Variants in SLC4A10 observed in about 807,000 individuals in gnomAD.
SLC4A10 encodes solute carrier family 4 member 10.
In SLC4A10, 42 loss-of-function variants were observed where a neutral mutation model predicts 137.7. That is an observed-to-expected ratio of 0.30 (90% CI 0.24 to 0.39). The LOEUF (loss-of-function observed/expected upper bound fraction) is 0.39. Ranked by LOEUF, SLC4A10 falls within the 10% of genes least tolerant of loss-of-function variation. The probability of loss-of-function intolerance (pLI) is 1.00; values close to 1 mark genes in which losing one functional copy is unlikely to be tolerated. For synonymous variants in SLC4A10, 474 were observed against 464.1 expected (o/e 1.02, Z -0.27); for missense variants, 925 against 1,355.0 (o/e 0.68, Z 4.98).
At chr2:161,956,278 G>A (rs1378195651) in intron 19 of SLC4A10, among the ~76,000 whole-genome samples, 1 of 152,164 alleles carries the variant, frequency 6.6e-6, no homozygotes, top group Non-Finnish European at 1.5e-5. Flanking sequence ...AGAGGCACAA[G>A]AGCTTAAGTG....
At chr2:161,647,759 A>C (rs1355572692) in intron 1 of SLC4A10, among the ~76,000 whole-genome samples, 1 of 152,180 alleles carries the variant, frequency 6.6e-6, no homozygotes, top group Non-Finnish European at 1.5e-5. Flanking sequence ...TTTCCTTAAC[A>C]CTTAAACATA....
At chr2:161,738,111 CA>C (rs2047530111) in intron 1 of SLC4A10, among the ~76,000 whole-genome samples, 1 of 152,040 alleles carries the variant, frequency 6.6e-6, no homozygotes, top group Admixed American at 6.6e-5. Context: ...ATGGACAGCC[CA>C]AAACACAAAT....
At chr2:161,771,918 A>G (rs2051664899) in intron 2 of SLC4A10, among the ~76,000 whole-genome samples, 1 of 151,816 alleles carries the variant, frequency 6.6e-6, no homozygotes, top group Non-Finnish European at 1.5e-5. Context: ...CCAATAAACC[A>G]CTGAGTTGAG....
intron 3 of SLC4A10, among the ~76,000 whole-genome samples, chr2:161,832,098 A>G (rs146039536): frequency 1.3e-5 from 2 of 152,282 alleles, no homozygotes; most frequent in East Asian, 3.9e-4. Context: ...AGTGAGGATT[A>G]TTGTCCATTA....
At chr2:161,828,204 C>T (rs1470491279) in intron 3 of SLC4A10, among the ~76,000 whole-genome samples, 1 of 152,168 alleles carries the variant, frequency 6.6e-6, no homozygotes, top group Non-Finnish European at 1.5e-5. Context: ...TGGACTTGTG[C>T]TCATTACATG....
chr2:161,909,106 T>A (rs928498906), intron 15 of SLC4A10, among the ~76,000 whole-genome samples: 18 of 134,540 alleles, frequency 1.3e-4, no homozygotes, highest in Non-Finnish European at 2.2e-4. Context: ...GGGGGAGGGA[T>A]AGCATTAGGA....
intron 2 of SLC4A10, among the ~76,000 whole-genome samples, chr2:161,798,529 T>C (rs572157604): frequency 5.3e-5 from 8 of 151,992 alleles, no homozygotes; most frequent in Non-Finnish European, 1.2e-4. Context: ...CTGATCCTTA[T>C]TATATAATTA....
intron 1 of SLC4A10, among the ~76,000 whole-genome samples, chr2:161,632,798 C>T (rs1558905316): frequency 6.6e-6 from 1 of 151,422 alleles, no homozygotes; most frequent in East Asian, 1.9e-4. Flanking sequence ...TACATTAAAG[C>T]TTGAGAATTT....
chr2:161,713,281 A>G (rs1389823445), intron 1 of SLC4A10, among the ~76,000 whole-genome samples: 1 of 151,886 alleles, frequency 6.6e-6, no homozygotes, highest in Non-Finnish European at 1.5e-5. Context: ...CCTGGAAAAA[A>G]TAAAATAAAA....
chr2:161,828,925 A>G (rs1180469126), intron 3 of SLC4A10, among the ~76,000 whole-genome samples: 1 of 148,998 alleles, frequency 6.7e-6, no homozygotes, highest in East Asian at 2.0e-4. Context: ...CTATTTCTAA[A>G]TTATTCTATT....
At chr2:161,813,681 T>C (rs2056772307) in intron 3 of SLC4A10, among the ~76,000 whole-genome samples, 1 of 152,170 alleles carries the variant, frequency 6.6e-6, no homozygotes, top group Non-Finnish European at 1.5e-5. Flanking sequence ...GTTTTCATCA[T>C]TTTCTAGTAT....
chr2:161,731,516 CTG>C (rs1280749042), intron 1 of SLC4A10, among the ~76,000 whole-genome samples: 33 of 152,254 alleles, frequency 2.2e-4, no homozygotes, highest in African/African-American at 7.2e-4. Context: ...CATAGCAACA[CTG>C]TGAAACTATT....
intron 1 of SLC4A10, among the ~76,000 whole-genome samples, chr2:161,713,730 G>A (rs951273958): frequency 2.0e-5 from 3 of 151,796 alleles, no homozygotes; most frequent in Admixed American, 6.6e-5. Context: ...TTTGAATCAC[G>A]GAAGTCGCTG....
At chr2:161,825,184 G>C (rs558258589) in intron 3 of SLC4A10, among the ~76,000 whole-genome samples, 1 of 152,272 alleles carries the variant, frequency 6.6e-6, no homozygotes, top group South Asian at 2.1e-4. Flanking sequence ...GGAGTCAAAA[G>C]TTATATACAG....
intron 15 of SLC4A10, among the ~76,000 whole-genome samples, chr2:161,941,665 C>T (rs555126203): frequency 1.3e-5 from 2 of 152,008 alleles, no homozygotes; most frequent in Non-Finnish European, 2.9e-5. Flanking sequence ...GTTGCTGTGT[C>T]GAAACTACAA....
At chr2:161,899,389 C>T (rs2063863776) in intron 11 of SLC4A10, among the ~76,000 whole-genome samples, 1 of 151,734 alleles carries the variant, frequency 6.6e-6, no homozygotes, top group Non-Finnish European at 1.5e-5. Context: ...AGTTACTCTC[C>T]TCCAATTCTC....
chr2:161,625,818 A>C (rs968045067), intron 1 of SLC4A10, among the ~76,000 whole-genome samples: 2 of 152,044 alleles, frequency 1.3e-5, no homozygotes, highest in Non-Finnish European at 2.9e-5. Context: ...AGTGATGGGA[A>C]GAATGCAAGG....
chr2:161,660,584 C>A (rs1043358619), intron 1 of SLC4A10, among the ~76,000 whole-genome samples: 4 of 130,958 alleles, frequency 3.1e-5, no homozygotes, highest in South Asian at 2.3e-4. Flanking sequence ...TTCTTTCTTT[C>A]TTTCTTTCTT....
intron 1 of SLC4A10, among the ~76,000 whole-genome samples, chr2:161,749,433 T>A (rs2048719371): frequency 6.6e-6 from 1 of 151,902 alleles, no homozygotes; most frequent in South Asian, 2.1e-4. Context: ...TTATTATGTT[T>A]AGGGAATTTA....
Sources: gnomAD v4.1 joint callset for allele counts (sites outside exome capture counted in the v4.1 genomes callset) on GRCh38, gnomAD v4.1.1 for gene constraint, MANE v1.5 for transcripts, NCBI Gene and HGNC (gene_info 2026-07-23, HGNC 2026-07-21) for gene names.